USP7: variants seen among roughly 807,000 people sequenced by gnomAD.
USP7 encodes the protein ubiquitin specific peptidase 7.
In USP7, 9 loss-of-function variants were observed where a neutral mutation model predicts 162.9. The observed-to-expected ratio is 0.06, with a 90% CI of 0.03 to 0.10. The LOEUF (loss-of-function observed/expected upper bound fraction) is 0.10. USP7 is among the 10% of genes least tolerant of loss of function. The probability of loss-of-function intolerance (pLI) is 1.00; values close to 1 mark genes in which losing one functional copy is unlikely to be tolerated. For missense variants in USP7, 715 were observed against 1,373.7 expected, an observed-to-expected ratio of 0.52 and a Z score of 7.58; for synonymous variants, 562 against 475.9, an observed-to-expected ratio of 1.18 and a Z score of -2.35.
intron 3 of USP7, among the ~76,000 whole-genome samples, chr16:8,922,374 G>T (rs530576128): frequency 6.6e-6 from 1 of 152,202 alleles, no homozygotes; most frequent in East Asian, 1.9e-4. Context: ...TATAGTCCCA[G>T]CTACTTGAGA....
At chr16:8,956,220 C>G (rs1228519539) in intron 1 of USP7, 1 of 152,156 alleles carries the variant, frequency 6.6e-6, no homozygotes. Flanking sequence ...GCAGGAAAAT[C>G]ACATGACCTG....
At chr16:8,897,731 A>G (rs1411127175) in intron 25 of USP7, among the ~76,000 whole-genome samples, 3 of 107,320 alleles carry the variant, frequency 2.8e-5, no homozygotes, top group African/African-American at 1.0e-4. Context: ...AAAAAAATAT[A>G]TATATATATA....
intron 1 of USP7, among the ~76,000 whole-genome samples, chr16:8,937,575 C>T (rs1898822105): frequency 6.6e-6 from 1 of 152,034 alleles, no homozygotes; most frequent in Non-Finnish European, 1.5e-5. Context: ...TGGTGCACAC[C>T]TGTAATCCCA....
Position 8,898,405 on chromosome 16 carries a change from C to T in USP7, c.2673G>A (p.Arg891=). 1 of 1,613,268 alleles carries T rather than the reference C, an allele frequency of 6.2e-7. No individual in the cohort carries two copies. Among genetic ancestry groups the T allele is most frequent in the Non-Finnish European group, 8.5e-7 (1 of 1,179,896 alleles). ...TTAACCATATACATTTAAAACTTCG[C>T]CTGTTCTCAAAGTCTGTGATTTTCA... ...LKMKITDFEN[R]RSFKCIWLNS... is the part of the protein sequence containing the mutation. The change falls in exon 25 of 31, where the codon AGG becomes AGA. Residue 891 remains arginine (R), a synonymous_variant. Coordinates refer to ENST00000344836, the MANE Select transcript of USP7 (RefSeq NM_003470.3).
At chr16:8,920,514 T>A in intron 4 of USP7, 67 bp from the exon 5 acceptor site, 1 of 1,324,642 alleles carries the variant, frequency 7.5e-7, no homozygotes, top group Non-Finnish European at 1.1e-6. Context: ...AGAGACAAAT[T>A]ACATTAGTGC....
chr16:8,897,726 AATATAT>A (rs1555461672), intron 25 of USP7, among the ~76,000 whole-genome samples: 6 of 7,140 alleles, frequency 8.4e-4, no homozygotes, highest in Admixed American at 3.1e-3. Context: ...AAAAAAAAAA[AATATAT>A]ATATATATAT....
intron 15 of USP7, 100 bp downstream of exon 15, chr16:8,904,335 C>A: frequency 7.8e-6 from 12 of 1,544,180 alleles, no homozygotes; most frequent in Non-Finnish European, 1.0e-5. Context: ...TGCATGGTGA[C>A]CTGGGAGTCC....
intron 1 of USP7, among the ~76,000 whole-genome samples, chr16:8,937,071 A>C (rs972358704): frequency 6.6e-6 from 1 of 152,226 alleles, no homozygotes; most frequent in Admixed American, 6.5e-5. Flanking sequence ...ATGCCCTCTC[A>C]GCCTAACAAG....
At chr16:8,959,801 A>G (rs563558615) in intron 1 of USP7, among the ~76,000 whole-genome samples, 101 of 152,300 alleles carry the variant, frequency 6.6e-4, no homozygotes, top group African/African-American at 2.1e-3. Context: ...AGTTTGGAAG[A>G]AACCCACCAC....
chr16:8,908,039 G>A (rs1191633283), intron 12 of USP7, among the ~76,000 whole-genome samples: 1 of 152,214 alleles, frequency 6.6e-6, no homozygotes, highest in Non-Finnish European at 1.5e-5. Flanking sequence ...TCCTGTGAAT[G>A]CAAGAGCTGT....
intron 2 of USP7, among the ~76,000 whole-genome samples, chr16:8,924,286 C>A (rs904749024): frequency 6.6e-6 from 1 of 152,256 alleles, no homozygotes; most frequent in African/African-American, 2.4e-5. Context: ...ACACCCACAC[C>A]AATCTGTTAT....
At position 8,943,937 on chromosome 16, in the gene USP7, T is replaced by C. The variant is rs547345395; in HGVS notation, c.80-13540A>G. Reference sequence around the variant, plus strand: ...TCATTTCTCTATTAAATTTATTGTATTGCTTATTCTACAATAATTGGGTTT... The same window carrying C: ...TCATTTCTCTATTAAATTTATTGTACTGCTTATTCTACAATAATTGGGTTT... On this transcript the variant is annotated intron_variant, in intron 1 of 30. Transcript: ENST00000344836. 1.2e-4 allele frequency among the ~76,000 whole-genome samples: 18 copies of C among 152,326 alleles called. No homozygotes were observed. The South Asian group carries it at 3.3e-3, about 28-fold the overall frequency.
chr16:8,908,302 G>C, intron 12 of USP7, 39 bp downstream of exon 12: 1 of 1,511,540 alleles, frequency 6.6e-7, no homozygotes, highest in Non-Finnish European at 9.2e-7. Context: ...AGACCAGCAT[G>C]ATGATGAAAT....
intron 1 of USP7, chr16:8,936,860 G>C (rs1476555732): frequency 4.9e-6 from 4 of 819,526 alleles, no homozygotes; most frequent in Non-Finnish European, 6.4e-6. Flanking sequence ...ATCTGACTTT[G>C]GTTAACAACA....
intron 25 of USP7, 120 bp from the exon 26 acceptor site, chr16:8,897,219 T>G: frequency 2.6e-6 from 2 of 761,180 alleles, no homozygotes; most frequent in Non-Finnish European, 4.4e-6. Context: ...GCCCCCATGT[T>G]CTTGCTCTCA....
intron 1 of USP7, chr16:8,935,923 T>G (rs969521211): frequency 6.6e-6 from 1 of 152,138 alleles, no homozygotes; most frequent in South Asian, 2.1e-4. Flanking sequence ...GGAAGTTACG[T>G]AGACCACTTC....
chr16:8,951,820 T>C (rs965144984), intron 1 of USP7, among the ~76,000 whole-genome samples: 3 of 152,260 alleles, frequency 2.0e-5, no homozygotes, highest in African/African-American at 4.8e-5. Context: ...AACTTGTTAC[T>C]GAACACCTGA....
intron 3 of USP7, among the ~76,000 whole-genome samples, chr16:8,922,651 A>G (rs560590064): frequency 2.0e-5 from 3 of 152,260 alleles, no homozygotes; most frequent in Non-Finnish European, 4.4e-5. Flanking sequence ...AGGTTGACAA[A>G]GTGGTCCGTA....
At chr16:8,942,369 C>T (rs1342305746) in intron 1 of USP7, among the ~76,000 whole-genome samples, 1 of 152,134 alleles carries the variant, frequency 6.6e-6, no homozygotes, top group Non-Finnish European at 1.5e-5. Context: ...TGGGGTCTGT[C>T]CCACCCTTAT....
Sources: gnomAD v4.1 joint callset for allele counts (sites outside exome capture counted in the v4.1 genomes callset) on GRCh38, gnomAD v4.1.1 for gene constraint, MANE v1.5 for transcripts, NCBI Gene and HGNC (gene_info 2026-07-23, HGNC 2026-07-21) for gene names.